The following DNAH5 variants were observed in gnomAD, a reference collection of about 807,000 sequenced individuals.
The protein encoded by DNAH5 is dynein axonemal heavy chain 5.
DNAH5 carries 372 observed loss-of-function variants against 518.2 expected under a neutral mutation model. That is an observed-to-expected ratio of 0.72 (90% CI 0.66 to 0.78). The LOEUF (loss-of-function observed/expected upper bound fraction) is 0.78, where lower values mean the gene tolerates loss of function less well. DNAH5 is among the 30% of genes least tolerant of loss of function. The pLI, the probability that DNAH5 is intolerant of heterozygous loss-of-function variation, is 0.00. For synonymous variants in DNAH5, 2,039 were observed against 2,025.9 expected (o/e 1.01, Z -0.17); for missense variants, 5,523 against 5,687.0 (o/e 0.97, Z 0.93).
At chr5:13,814,581 T>C (rs184887969) in intron 43 of DNAH5, 24 bp downstream of exon 43, 155 of 1,612,224 alleles carry the variant, frequency 9.6e-5, no homozygotes, top group Middle Eastern at 8.3e-4. Flanking sequence ...TTTTTAATTA[T>C]ACAAAAGAAG....
Position 13,700,878 on chromosome 5 carries a change from AG to A in DNAH5, c.13492-8del. On this transcript the variant is annotated splice_polypyrimidine_tract_variant and splice_region_variant and intron_variant, in intron 77 of 78. Transcript: ENST00000265104. ...TGTTGGCCCGAGTTATTTCCTATTC[AG>A]GGCAGCAAAAGATGAATGGAGCGGT... 6.2e-7 allele frequency: 1 copy of A among 1,613,952 alleles called. No homozygotes were observed. Among genetic ancestry groups the A allele is most frequent in the Non-Finnish European group, 8.5e-7 (1 of 1,179,828 alleles).
At position 13,871,603 on chromosome 5, in the gene DNAH5, G is replaced by T. The variant is rs753687076; in HGVS notation, c.3559C>A (p.Pro1187Thr). The T allele has an allele frequency of 1.2e-6, 2 of 1,613,616 alleles. No individual in the cohort carries two copies. ...QNLEQEINAE[P>T]EYVCVGSIAL... ...ATGGAACCCACACAGACATATTCAG[G>T]CTCAGCATTAATTTCCTGCTCTAGG... The change falls in exon 23 of 79, where the codon CCT (proline) becomes ACT (threonine). Residue 1187 changes from proline (P) to threonine (T), a missense_variant. Around this residue, in one of 3 missense-constraint regions of DNAH5, gnomAD observed 5,121 missense variants for 5,223.3 expected, o/e 0.98. Transcript: ENST00000265104.
Position 13,778,588 on chromosome 5 carries a change from AAGAAAGAAAG to A in DNAH5, c.8952-1243_8952-1234del, listed in dbSNP as rs1440877599. On this transcript the variant is annotated intron_variant, in intron 53 of 78. Coordinates refer to ENST00000265104, the MANE Select transcript of DNAH5 (RefSeq NM_001369.3). The stretch of plus-strand genomic sequence containing the variant: ...AAAGAAAGAAAGAAAGAAAGAAAGA[AAGAAAGAAAG>A]AGAGAGAGAAAGAAAAAGAAAGAAA... Among the ~76,000 whole-genome samples, 218 of 73,482 alleles carry A rather than the reference AAGAAAGAAAG, an allele frequency of 3.0e-3. 3 individuals are homozygous for A. Among genetic ancestry groups the A allele is most frequent in the African/African-American group, 7.4e-3 (130 of 17,668 alleles). The allele number at this position is 73,482 out of a possible 152,430, so 48.2% of individuals were successfully genotyped here. A position where few individuals can be genotyped will look rare whatever the true frequency, so the allele number is the denominator to read the frequency against.
intron 1 of DNAH5, among the ~76,000 whole-genome samples, chr5:13,974,773 T>C (rs1484701036): frequency 6.6e-6 from 1 of 152,146 alleles, no homozygotes; most frequent in Non-Finnish European, 1.5e-5. Context: ...CAGGCCTCAA[T>C]GAGCATCTTT....
chr5:13,853,365 G>C (rs6554821), intron 30 of DNAH5, among the ~76,000 whole-genome samples: 56,831 of 151,976 alleles, frequency 0.37, 10,901 homozygotes, highest in South Asian at 0.47. Context: ...TCCATCCGAA[G>C]GTCACCAACA....
At chr5:13,896,482 T>C (rs1773930317) in intron 15 of DNAH5, 1 of 152,166 alleles carries the variant, frequency 6.6e-6, no homozygotes, top group South Asian at 2.1e-4. Context: ...CCAAAACCAC[T>C]CACACATTTT....
At chr5:13,817,267 A>T (rs1761566397) in intron 42 of DNAH5, among the ~76,000 whole-genome samples, 1 of 152,218 alleles carries the variant, frequency 6.6e-6, no homozygotes. Flanking sequence ...CAATATTATC[A>T]ATTTTCCTTA....
intron 76 of DNAH5, among the ~76,000 whole-genome samples, chr5:13,705,672 C>A (rs184642086): frequency 3.3e-5 from 5 of 152,070 alleles, no homozygotes; most frequent in Admixed American, 6.5e-5. Flanking sequence ...TGATCTTATG[C>A]GGGAACAGGG....
intron 61 of DNAH5, 131 bp from the exon 62 acceptor site, chr5:13,754,469 A>G (rs994875061): frequency 2.0e-6 from 2 of 1,011,440 alleles, no homozygotes; most frequent in African/African-American, 3.2e-5. Context: ...CACAAGAAGC[A>G]TGAGATTCTA....
chr5:13,839,269 A>G (rs550473327), intron 35 of DNAH5, 87 bp downstream of exon 35: 2 of 1,252,350 alleles, frequency 1.6e-6, no homozygotes, highest in East Asian at 4.6e-5. Flanking sequence ...TAAAGAGCCT[A>G]TAAACCCTAA....
intron 1 of DNAH5, among the ~76,000 whole-genome samples, chr5:13,936,252 G>A (rs1270349277): frequency 2.6e-5 from 4 of 152,260 alleles, no homozygotes; most frequent in Non-Finnish European, 4.4e-5. Context: ...TGTTGGACTA[G>A]GTGACAGCCA....
At chr5:13,714,317 AT>A in intron 75 of DNAH5, 87 bp downstream of exon 75, 1 of 1,357,626 alleles carries the variant, frequency 7.4e-7, no homozygotes, top group Non-Finnish European at 1.0e-6. Context: ...CAGGAAAATC[AT>A]TTTTTGCCCT....
intron 31 of DNAH5, among the ~76,000 whole-genome samples, chr5:13,845,461 A>G (rs1295998134): frequency 2.0e-5 from 3 of 151,976 alleles, no homozygotes; most frequent in Non-Finnish European, 4.4e-5. Context: ...AGAGAATCCA[A>G]TGAATTCGTC....
intron 55 of DNAH5, 90 bp from the exon 56 acceptor site, chr5:13,771,070 C>T (rs769977317): frequency 1.9e-4 from 236 of 1,220,512 alleles, no homozygotes; most frequent in Non-Finnish European, 2.6e-4. Flanking sequence ...TTAGACATTT[C>T]TTAGGAATGC....
chr5:13,861,015 T>G (rs1768336590), intron 29 of DNAH5, among the ~76,000 whole-genome samples: 1 of 152,208 alleles, frequency 6.6e-6, no homozygotes, highest in South Asian at 2.1e-4. Context: ...TTTCCCTTAT[T>G]TGTTGTTCTA....
intron 38 of DNAH5, among the ~76,000 whole-genome samples, chr5:13,824,977 T>C (rs1762707224): frequency 6.6e-6 from 1 of 152,164 alleles, no homozygotes; most frequent in Non-Finnish European, 1.5e-5. Context: ...AACAGTAAGG[T>C]GGTTCCTCAA....
At chr5:13,763,028 A>G (rs1023030396) in intron 59 of DNAH5, 127 bp from the exon 60 acceptor site, 1 of 847,730 alleles carries the variant, frequency 1.2e-6, no homozygotes, top group Non-Finnish European at 1.9e-6. Flanking sequence ...ATATTTTGTC[A>G]CTATTTTAAG....
chr5:13,811,401 C>G (rs1306754403), intron 44 of DNAH5, among the ~76,000 whole-genome samples: 1 of 152,126 alleles, frequency 6.6e-6, no homozygotes, highest in African/African-American at 2.4e-5. Context: ...CTTTGTTAAC[C>G]TGCAACTAAA....
intron 15 of DNAH5, 162 bp downstream of exon 15, chr5:13,900,044 G>C (rs116373854): frequency 0.03 from 19,718 of 657,074 alleles, 360 homozygotes; most frequent in Non-Finnish European, 0.04. Context: ...GTAACGGCCT[G>C]GCCCCAGCCA....
Sources: allele counts gnomAD v4.1 joint callset (sites outside exome capture counted in the v4.1 genomes callset), GRCh38; gene constraint gnomAD v4.1.1; regional missense constraint gnomAD v4.1.1; transcripts MANE v1.5; gene names NCBI Gene and HGNC (gene_info 2026-07-23, HGNC 2026-07-21).